The following STK4 variants were observed in gnomAD, a reference collection of about 807,000 sequenced individuals.
STK4 encodes serine/threonine kinase 4.
A neutral mutation model predicts 64.9 loss-of-function variants in STK4; 30 were observed. The ratio of observed to expected loss-of-function variants is 0.46; its 90% CI spans 0.35 to 0.63. STK4 has a LOEUF of 0.63. STK4 is among the 20% of genes least tolerant of loss of function. STK4 has a pLI of 0.01. For synonymous variants in STK4, 177 were observed against 199.0 expected (o/e 0.89, Z 0.93); for missense variants, 466 against 598.5 (o/e 0.78, Z 2.31).
At chr20:44,968,417 G>A (rs1376757750) in intron 1 of STK4, among the ~76,000 whole-genome samples, 2 of 152,206 alleles carry the variant, frequency 1.3e-5, no homozygotes, top group African/African-American at 4.8e-5. Context: ...GATTACAGGC[G>A]TGAGCCACCG....
intron 5 of STK4, 137 bp from the exon 6 acceptor site, chr20:44,994,953 G>T: frequency 1.5e-6 from 1 of 646,206 alleles, no homozygotes; most frequent in Admixed American, 3.8e-5. Flanking sequence ...CAAGTACAAG[G>T]CATTTTTTTA....
intron 4 of STK4, among the ~76,000 whole-genome samples, chr20:44,982,986 GA>G (rs1207745416): frequency 1.3e-5 from 2 of 152,046 alleles, no homozygotes; most frequent in African/African-American, 4.8e-5. Context: ...AGGTCACTCA[GA>G]AGTGGTGACG....
At chr20:45,038,819 C>T (rs1191293156) in intron 10 of STK4, among the ~76,000 whole-genome samples, 2 of 151,726 alleles carry the variant, frequency 1.3e-5, no homozygotes, top group Non-Finnish European at 2.9e-5. Context: ...GCTAATTATA[C>T]ATTAATGTAG....
chr20:45,068,127 A>G (rs1979744933), intron 10 of STK4, among the ~76,000 whole-genome samples: 1 of 152,190 alleles, frequency 6.6e-6, no homozygotes, highest in South Asian at 2.1e-4. Context: ...AGAACGAATA[A>G]TGTCCTCCAT....
Position 44,995,164 on chromosome 20 carries a change from A to G in STK4, c.600A>G (p.Gly200=). The G allele has an allele frequency of 6.2e-7, 1 of 1,614,036 alleles. No individual in the cohort carries two copies. The highest frequency in any genetic ancestry group is 8.5e-7 in the Non-Finnish European group (1 of 1,179,976). The change falls in exon 6 of 11, where the codon GGA becomes GGG. Residue 200 remains glycine, a synonymous_variant. Coordinates refer to ENST00000372806, the MANE Select transcript of STK4 (RefSeq NM_006282.5). ...CTCCAGAAGTGATTCAGGAAATTGG[A>G]TACAACTGTGTAGCAGACATCTGGT... is the stretch of plus-strand genomic sequence containing the variant. ...WMAPEVIQEI[G]YNCVADIWSL...
intron 8 of STK4, among the ~76,000 whole-genome samples, 154 bp from the exon 9 acceptor site, chr20:45,001,013 T>G (rs893286968): frequency 6.6e-6 from 1 of 152,236 alleles, no homozygotes; most frequent in Non-Finnish European, 1.5e-5. Context: ...TCTTCTTTGC[T>G]TAAGTAACAG....
intron 10 of STK4, among the ~76,000 whole-genome samples, chr20:45,026,128 GTTTTTTT>G (rs33913833): frequency 1.4e-3 from 181 of 128,964 alleles, no homozygotes; most frequent in Admixed American, 4.0e-3. Flanking sequence ...TTATCCAGTG[GTTTTTTT>G]TTTTTTTTTT....
At chr20:44,969,351 A>G (rs1423201699) in intron 1 of STK4, among the ~76,000 whole-genome samples, 3 of 152,234 alleles carry the variant, frequency 2.0e-5, no homozygotes, top group South Asian at 2.1e-4. Flanking sequence ...AATGGGAGAA[A>G]GCTTTGAGAA....
chr20:44,989,900 T>C (rs1203796645), intron 5 of STK4, among the ~76,000 whole-genome samples: 1 of 152,188 alleles, frequency 6.6e-6, no homozygotes, highest in Non-Finnish European at 1.5e-5. Context: ...CATTGACCTA[T>C]ATGTCTGTCC....
rs766432397 is a variant in STK4, at chr20:45,075,055, T to C, written c.1343T>C (p.Leu448Pro). Residue 448 changes from leucine to proline, a missense_variant, in exon 11 of 11, where the codon CTC becomes CCC. Physicochemically the swap from Leu to Pro is moderately conservative, Grantham distance 98. This residue lies in a region of STK4 where 276 missense variants were observed against 308.9 expected (regional missense o/e 0.89). Transcript: ENST00000372806. ...SWTVEDLQKR[L>P]LALDPMMEQE... ...ACAGTGGAGGACCTTCAGAAGAGGC[T>C]CTTGGCCCTGGACCCCATGATGGAG... 6.2e-7 allele frequency: 1 copy of C among 1,614,184 alleles called. No homozygotes were observed. The highest frequency in any genetic ancestry group is 1.1e-5 in the South Asian group (1 of 91,086).
chr20:45,034,880 GTA>G (rs1316554648), intron 10 of STK4, among the ~76,000 whole-genome samples: 1 of 152,090 alleles, frequency 6.6e-6, no homozygotes, highest in Non-Finnish European at 1.5e-5. Flanking sequence ...TTGCACCACT[GTA>G]TACTGCCCTG....
chr20:44,967,657 A>G (rs537556497), intron 1 of STK4, among the ~76,000 whole-genome samples: 6 of 151,944 alleles, frequency 3.9e-5, no homozygotes, highest in Non-Finnish European at 5.9e-5. Context: ...TAAAGAAGGA[A>G]GTGTTCAGGG....
At chr20:45,069,182 G>A (rs962948433) in intron 10 of STK4, among the ~76,000 whole-genome samples, 1 of 152,208 alleles carries the variant, frequency 6.6e-6, no homozygotes, top group East Asian at 1.9e-4. Flanking sequence ...CAAGACTGAT[G>A]TGTTGCTTAG....
chr20:45,006,253 GTATTTATT>G (rs71197590), intron 9 of STK4, among the ~76,000 whole-genome samples: 11 of 146,906 alleles, frequency 7.5e-5, no homozygotes, highest in Admixed American at 4.7e-4. Context: ...TGTTTCGGAT[GTATTTATT>G]TATTTATTTA....
chr20:45,051,206 T>A (rs1469939635), intron 10 of STK4, among the ~76,000 whole-genome samples: 1 of 152,240 alleles, frequency 6.6e-6, no homozygotes, highest in Non-Finnish European at 1.5e-5. Flanking sequence ...AGTACTTCTA[T>A]GTCTTGATCC....
rs2067561470 is a variant in STK4 at position 44,988,025 on chromosome 20, TCAGGTATTGTAACAG to T, written c.525+732_525+746del. ...TCTGCCTGGGACATGTTAGGGAGCC[TCAGGTATTGTAACAG>T]CACAGAAATTGCTTTGATGTTTAAA... is the stretch of plus-strand genomic sequence containing the variant. On this transcript the variant is annotated intron_variant, in intron 5 of 10. Transcript: ENST00000372806. 3.9e-5 allele frequency among the ~76,000 whole-genome samples: 6 copies of T among 152,014 alleles called. No homozygotes were observed. The South Asian group carries it at 1.2e-3, about 32-fold the overall frequency.
At position 45,077,165 on chromosome 20, in the gene STK4, A is replaced by G. The variant is rs1482954706; in HGVS notation, c.*1989A>G. 1 of 152,230 alleles carries G rather than the reference A, an allele frequency of 6.6e-6. No individual in the cohort carries two copies. The highest frequency in any genetic ancestry group is 6.5e-5 in the Admixed American group (1 of 15,286). The allele number at this position is 152,230 out of a possible 1,614,324, so 9.4% of individuals were successfully genotyped here. On this transcript the variant is annotated 3_prime_UTR_variant, in exon 11 of 11. Transcript: ENST00000372806. ...TGATAGAATCAGGATTCATAGCATC[A>G]CTATAGGGGGTCAATATTTACACAA...
chr20:45,052,397 TA>T (rs1978291638), intron 10 of STK4, among the ~76,000 whole-genome samples: 1 of 152,250 alleles, frequency 6.6e-6, no homozygotes. Context: ...TTTTTTCACT[TA>T]ACATATCTTA....
intron 10 of STK4, among the ~76,000 whole-genome samples, chr20:45,035,352 A>G (rs1057007842): frequency 6.6e-6 from 1 of 152,024 alleles, no homozygotes; most frequent in African/African-American, 2.4e-5. Context: ...TTCAATTGAG[A>G]TTTTTTTTCT....
Sources: gnomAD v4.1 joint callset for allele counts (sites outside exome capture counted in the v4.1 genomes callset) on GRCh38, gnomAD v4.1.1 for gene constraint, gnomAD v4.1.1 regional missense constraint, MANE v1.5 for transcripts, NCBI Gene and HGNC (gene_info 2026-07-23, HGNC 2026-07-21) for gene names.